The following CPEB1 variants were observed in gnomAD, a reference collection of about 807,000 sequenced individuals.
CPEB1 encodes the protein cytoplasmic polyadenylation element-binding protein 1.
Under a neutral mutation model 65.8 loss-of-function variants are expected in CPEB1, and 7 were observed. The observed-to-expected ratio is 0.11, with a 90% CI of 0.06 to 0.20. The LOEUF (loss-of-function observed/expected upper bound fraction) is 0.20, where lower values mean the gene tolerates loss of function less well. Among genes scored for constraint, CPEB1 ranks in the 10% least tolerant of loss-of-function variants. The pLI is 1.00. For synonymous variants in CPEB1, 262 were observed against 260.0 expected (o/e 1.01, Z -0.08); for missense variants, 551 against 712.2 (o/e 0.77, Z 2.58).
In CPEB1 at chr15:82,627,287, G is replaced by A; in HGVS notation, c.177C>T (p.Ile59=). Residue 59 remains isoleucine (I), a synonymous_variant, in exon 3 of 13, where the codon ATC becomes ATT. Coordinates refer to ENST00000684509, the MANE Select transcript of CPEB1 (RefSeq NM_001365242.1). The part of the protein sequence containing the change: ...PALSTCSNAN[I]FRRINAILDN... ...CCAATATGGCATTTATCCTTCGAAA[G>A]ATATTGGCATTACTACACGTGGAGA... 6.2e-7 allele frequency: 1 copy of A among 1,613,698 alleles called. No individual in the cohort carries two copies. Among genetic ancestry groups the A allele is most frequent in the Non-Finnish European group, 8.5e-7 (1 of 1,179,680 alleles).
At chr15:82,597,680 T>TC (rs1477916747) in intron 3 of CPEB1, among the ~76,000 whole-genome samples, 1 of 152,208 alleles carries the variant, frequency 6.6e-6, no homozygotes, top group East Asian at 1.9e-4. Flanking sequence ...TTTAAAGAAC[T>TC]CCAGCTCTTT....
intron 3 of CPEB1, among the ~76,000 whole-genome samples, chr15:82,598,029 G>A (rs1306323053): frequency 6.6e-6 from 1 of 152,212 alleles, no homozygotes; most frequent in African/African-American, 2.4e-5. Flanking sequence ...CTGTGAACCA[G>A]GAACCTGATG....
At chr15:82,546,571 C>A (rs1009955961) in intron 11 of CPEB1, 50 bp from the exon 12 acceptor site, 1 of 1,380,484 alleles carries the variant, frequency 7.2e-7, no homozygotes, top group Non-Finnish European at 1.0e-6. Flanking sequence ...TACCAGGAGG[C>A]TCGATAGGCG....
intron 3 of CPEB1, among the ~76,000 whole-genome samples, chr15:82,621,960 T>A (rs905688161): frequency 3.3e-5 from 5 of 152,186 alleles, no homozygotes; most frequent in African/African-American, 1.2e-4. Flanking sequence ...ATTGCCTCCA[T>A]CCTAAATATT....
At chr15:82,590,659 TCCTCAAATGGGCACCCAACAC>T (rs1474693740) in intron 3 of CPEB1, among the ~76,000 whole-genome samples, 3 of 152,260 alleles carry the variant, frequency 2.0e-5, no homozygotes, top group East Asian at 3.9e-4. Flanking sequence ...CCACCCAACA[TCCTCAAATGGGCACCCAACAC>T]CCTCAAATGG....
intron 8 of CPEB1, 76 bp downstream of exon 8, chr15:82,553,391 C>T (rs1056312565): frequency 6.5e-5 from 71 of 1,095,952 alleles, no homozygotes; most frequent in Middle Eastern, 2.0e-4. Context: ...CATCCCAGCA[C>T]CCCTAGGTGC....
intron 3 of CPEB1, among the ~76,000 whole-genome samples, chr15:82,612,846 AAAC>A (rs745809146): frequency 0.43 from 64,300 of 151,146 alleles, 13,678 homozygotes; most frequent in South Asian, 0.49. Context: ...AAAAAAGAAC[AAAC>A]AAACAAACAA....
intron 3 of CPEB1, among the ~76,000 whole-genome samples, chr15:82,600,163 AAAAC>A (rs551316912): frequency 1.3e-4 from 20 of 152,320 alleles, no homozygotes; most frequent in South Asian, 2.1e-4. Flanking sequence ...AGGGATAATT[AAAAC>A]AAACAAGGAA....
chr15:82,555,106 G>A (rs895422897), intron 6 of CPEB1, among the ~76,000 whole-genome samples: 1 of 152,228 alleles, frequency 6.6e-6, no homozygotes, highest in Admixed American at 6.5e-5. Flanking sequence ...AGAGCCAGTG[G>A]TTAATGAATA....
chr15:82,594,440 C>G (rs1268796060), intron 3 of CPEB1, among the ~76,000 whole-genome samples: 1 of 152,204 alleles, frequency 6.6e-6, no homozygotes, highest in Admixed American at 6.5e-5. Context: ...TCTTGTGCAG[C>G]TTCCTCACCT....
chr15:82,611,903 AACAC>A (rs769332384), intron 3 of CPEB1, among the ~76,000 whole-genome samples: 27 of 152,108 alleles, frequency 1.8e-4, no homozygotes, highest in Admixed American at 1.6e-3. Flanking sequence ...AAAGATTAGT[AACAC>A]AGACAAAAAA....
chr15:82,586,358 C>T (rs913894589), intron 3 of CPEB1, among the ~76,000 whole-genome samples: 37 of 151,940 alleles, frequency 2.4e-4, no homozygotes, highest in African/African-American at 8.9e-4. Context: ...TACTTATTGT[C>T]CTCTAGAAAG....
At chr15:82,583,133 A>G (rs2041456946) in intron 3 of CPEB1, among the ~76,000 whole-genome samples, 1 of 152,146 alleles carries the variant, frequency 6.6e-6, no homozygotes, top group Admixed American at 6.5e-5. Context: ...TGCTATGTGC[A>G]TATATTATTT....
intron 7 of CPEB1, 140 bp downstream of exon 7, chr15:82,553,738 G>C: frequency 1.3e-6 from 1 of 754,422 alleles, no homozygotes; most frequent in Non-Finnish European, 2.3e-6. Context: ...TCTATGAAAT[G>C]CACCTCTCCC....
At chr15:82,617,821 C>G (rs2044887976) in intron 3 of CPEB1, among the ~76,000 whole-genome samples, 1 of 145,802 alleles carries the variant, frequency 6.9e-6, no homozygotes, top group Non-Finnish European at 1.5e-5. Context: ...GCAAGCTCCG[C>G]CTCTCGGGTT....
At chr15:82,597,542 GT>G (rs927525302) in intron 3 of CPEB1, among the ~76,000 whole-genome samples, 3 of 152,158 alleles carry the variant, frequency 2.0e-5, no homozygotes, top group African/African-American at 7.2e-5. Flanking sequence ...GGAAAAACAT[GT>G]TTTACAGCTT....
At chr15:82,611,352 C>G (rs1173627532) in intron 3 of CPEB1, among the ~76,000 whole-genome samples, 1 of 152,012 alleles carries the variant, frequency 6.6e-6, no homozygotes, top group Non-Finnish European at 1.5e-5. Context: ...AATAAATATA[C>G]TTATGAATAA....
intron 3 of CPEB1, among the ~76,000 whole-genome samples, chr15:82,592,889 C>T (rs12148332): frequency 0.4 from 60,669 of 151,672 alleles, 12,184 homozygotes; most frequent in South Asian, 0.49. Context: ...CCCAGCTACT[C>T]GGGAGGCTGA....
intron 3 of CPEB1, among the ~76,000 whole-genome samples, chr15:82,601,104 T>C (rs150950127): frequency 0.08 from 12,075 of 150,174 alleles, 727 homozygotes; most frequent in African/African-American, 0.16. Flanking sequence ...CAGGGTTTCG[T>C]CACGTTGGTC....
Sources: gnomAD v4.1 joint callset for allele counts (sites outside exome capture counted in the v4.1 genomes callset) on GRCh38, gnomAD v4.1.1 for gene constraint, MANE v1.5 for transcripts, NCBI Gene and HGNC (gene_info 2026-07-23, HGNC 2026-07-21) for gene names.